The following EPB41 variants were observed in gnomAD, a reference collection of about 807,000 sequenced individuals.
EPB41 encodes the protein erythrocyte membrane protein band 4.1.
In EPB41, 65 loss-of-function variants were observed where a neutral mutation model predicts 108.0. The ratio of observed to expected loss-of-function variants is 0.60; its 90% confidence interval spans 0.49 to 0.74. The LOEUF is 0.74. Ranked by LOEUF, EPB41 falls within the 30% of genes least tolerant of loss-of-function variation. EPB41 has a pLI of 0.00. For missense variants in EPB41, 875 were observed against 1,037.0 expected (o/e 0.84, Z 2.15); for synonymous variants, 336 against 358.9 (o/e 0.94, Z 0.72).
chr1:28,921,210 T>C (rs2093044593), intron 1 of EPB41, among the ~76,000 whole-genome samples: 1 of 152,210 alleles, frequency 6.6e-6, no homozygotes, highest in South Asian at 2.1e-4. Context: ...TACTTACATA[T>C]ACTCTTAAGT....
At chr1:29,116,144 G>GTC (rs1158713138) in intron 20 of EPB41, among the ~76,000 whole-genome samples, 4 of 124,250 alleles carry the variant, frequency 3.2e-5, no homozygotes, top group African/African-American at 5.8e-5. Flanking sequence ...GCTGTCACAG[G>GTC]TCTCTCTTTT....
intron 1 of EPB41, among the ~76,000 whole-genome samples, chr1:28,974,127 C>T (rs1039649784): frequency 6.6e-6 from 1 of 152,220 alleles, no homozygotes; most frequent in African/African-American, 2.4e-5. Context: ...CAGATTTTTT[C>T]TCTCTAAAAT....
intron 1 of EPB41, among the ~76,000 whole-genome samples, chr1:28,927,179 C>T (rs556279320): frequency 1.2e-4 from 19 of 152,290 alleles, no homozygotes; most frequent in African/African-American, 4.3e-4. Flanking sequence ...TAGCTTTTAG[C>T]AGTTACAGAA....
At chr1:29,048,989 T>A (rs1019970207) in intron 11 of EPB41, among the ~76,000 whole-genome samples, 1 of 152,180 alleles carries the variant, frequency 6.6e-6, no homozygotes, top group African/African-American at 2.4e-5. Flanking sequence ...CACCCCTCCC[T>A]TTTCAAAAGA....
Position 28,887,788 on chromosome 1 carries a change from G to A in EPB41, c.-8+578G>A. The A allele has an allele frequency of 4.8e-6, 3 of 626,236 alleles. No homozygotes were observed. Among genetic ancestry groups the A allele is most frequent in the Non-Finnish European group, 6.0e-6 (3 of 501,714 alleles). The allele number at this position is 626,236 out of a possible 1,614,324, so 38.8% of individuals were successfully genotyped here. On this transcript the variant is annotated intron_variant, in intron 1 of 16. Coordinates refer to the EPB41 transcript ENST00000347529. The surrounding 1 kb of genome is among the most constrained non-coding windows in gnomAD (Gnocchi z 4.9). ...CCAGGGTGGCCCCCCCGGCCGTCGCGCCAGCCCCACACCCTCCCTGCCAGG... is the reference window on the plus strand; with the variant it reads ...CCAGGGTGGCCCCCCCGGCCGTCGCACCAGCCCCACACCCTCCCTGCCAGG...
chr1:29,101,128 G>C (rs1665215166), intron 17 of EPB41, among the ~76,000 whole-genome samples: 1 of 151,974 alleles, frequency 6.6e-6, no homozygotes. Flanking sequence ...AGTGGCTGAG[G>C]CAGGAGAATC....
chr1:29,076,090 A>G (rs760474298), intron 16 of EPB41, among the ~76,000 whole-genome samples: 2 of 152,192 alleles, frequency 1.3e-5, no homozygotes, highest in Non-Finnish European at 2.9e-5. Context: ...AGAATTTTCT[A>G]TCTTTTTCCA....
At chr1:28,956,005 G>A (rs1410086972) in intron 1 of EPB41, among the ~76,000 whole-genome samples, 1 of 152,200 alleles carries the variant, frequency 6.6e-6, no homozygotes, top group Non-Finnish European at 1.5e-5. Flanking sequence ...AGGACCATAT[G>A]CATAATTCTA....
chr1:29,091,819 A>C (rs1344064073), intron 16 of EPB41, among the ~76,000 whole-genome samples: 1 of 152,168 alleles, frequency 6.6e-6, no homozygotes, highest in Non-Finnish European at 1.5e-5. Context: ...AGATCTACCT[A>C]ATATGAATTC....
intron 1 of EPB41, among the ~76,000 whole-genome samples, chr1:28,907,502 C>G (rs1279850589): frequency 6.6e-6 from 1 of 152,130 alleles, no homozygotes; most frequent in Non-Finnish European, 1.5e-5. Context: ...GGTTGCTGTG[C>G]AGACATGCCA....
At chr1:29,048,582 T>C (rs1354857272) in intron 11 of EPB41, among the ~76,000 whole-genome samples, 1 of 152,234 alleles carries the variant, frequency 6.6e-6, no homozygotes, top group Non-Finnish European at 1.5e-5. Context: ...TTAATGTTCA[T>C]TATTTCTTAC....
In EPB41 at chr1:29,039,388, G is replaced by T; in HGVS notation, c.1598G>T (p.Arg533Leu). The change falls in exon 11 of 21, where the codon CGT becomes CTT. Residue 533 changes from arginine (R) to leucine (L), a missense_variant. Transcript: ENST00000343067. ...GACAGGCCTGCCCCACACTTCGAGC[G>T]TACAGCAAGTAAACGGGCGTCCCGG... Reference protein sequence around the residue: ...LIDRPAPHFERTASKRASRSL... With the variant: ...LIDRPAPHFELTASKRASRSL... The T allele has an allele frequency of 6.2e-7, 1 of 1,614,026 alleles. No homozygotes were observed. The highest frequency in any genetic ancestry group is 8.5e-7 in the Non-Finnish European group (1 of 1,180,022).
In EPB41 at chr1:29,117,012, T is replaced by TTCCC. The variant is rs1227536251; in HGVS notation, c.*202_*203insCCTC. On this transcript the variant is annotated 3_prime_UTR_variant, in exon 21 of 21. Coordinates refer to ENST00000343067, the MANE Select transcript of EPB41 (RefSeq NM_001376013.1). ...CTCATTGATCCTTTTGAAGAGCTTTTTCTATATTAGGATATCAGAATTGTT... is the reference window on the plus strand; with the variant it reads ...CTCATTGATCCTTTTGAAGAGCTTTTTCCCTCTATATTAGGATATCAGAATTGTT... 2 of 152,248 alleles carry TTCCC rather than the reference T, an allele frequency of 1.3e-5. No individual in the cohort carries two copies. Among genetic ancestry groups the TTCCC allele is most frequent in the African/African-American group, 4.8e-5 (2 of 41,468 alleles). 9.4% of individuals were successfully genotyped at this position (152,248 alleles called of 1,614,324 possible).
chr1:28,966,880 A>G (rs919598069), intron 1 of EPB41, among the ~76,000 whole-genome samples: 15 of 152,132 alleles, frequency 9.9e-5, no homozygotes, highest in Non-Finnish European at 1.5e-5. Context: ...ATGGCAGGAA[A>G]TGTCTTTGGA....
At chr1:28,941,267 C>T (rs2094273105) in intron 1 of EPB41, among the ~76,000 whole-genome samples, 1 of 151,872 alleles carries the variant, frequency 6.6e-6, no homozygotes, top group Middle Eastern at 3.2e-3. Context: ...GTAGTCCCAG[C>T]TACTCGGGAG....
At chr1:28,999,220 A>T (rs2096247716) in intron 4 of EPB41, among the ~76,000 whole-genome samples, 2 of 152,172 alleles carry the variant, frequency 1.3e-5, no homozygotes, top group Non-Finnish European at 1.5e-5. Context: ...AATACAAAAA[A>T]TTAGCCAGGC....
intron 7 of EPB41, among the ~76,000 whole-genome samples, chr1:29,022,373 A>T (rs1224103070): frequency 2.0e-4 from 7 of 35,432 alleles, no homozygotes; most frequent in South Asian, 5.4e-4. Flanking sequence ...TTGATATAAT[A>T]AAAAAAAAAA....
chr1:28,956,335 AAGAG>A (rs1206908610), intron 1 of EPB41, among the ~76,000 whole-genome samples: 4 of 152,118 alleles, frequency 2.6e-5, no homozygotes, highest in South Asian at 4.1e-4. Context: ...CAACAAAGGC[AAGAG>A]AGAGAGAGAA....
chr1:29,007,216 C>T (rs868363209), intron 4 of EPB41, among the ~76,000 whole-genome samples: 3 of 152,034 alleles, frequency 2.0e-5, no homozygotes, highest in African/African-American at 4.8e-5. Context: ...TTCAGCCTCC[C>T]GGCCTCGTTA....
Sources: allele counts gnomAD v4.1 joint callset (sites outside exome capture counted in the v4.1 genomes callset), GRCh38; gene constraint gnomAD v4.1.1; non-coding constraint Gnocchi (gnomAD v3.1); transcripts MANE v1.5; gene names NCBI Gene and HGNC (gene_info 2026-07-23, HGNC 2026-07-21).